KLHL30: variants seen among roughly 807,000 people sequenced by gnomAD.
The protein encoded by KLHL30 is kelch like family member 30.
In KLHL30, 55 loss-of-function variants were observed where a neutral mutation model predicts 55.0. The ratio of observed to expected loss-of-function variants is 1.00; its 90% CI spans 0.80 to 1.25. KLHL30 has a LOEUF of 1.25. Among genes scored for constraint, KLHL30 ranks in the 50% most tolerant of loss-of-function variants. KLHL30 has a pLI of 0.00. For synonymous variants in KLHL30, 356 were observed against 372.6 expected (o/e 0.96, Z 0.51); for missense variants, 786 against 811.6 (o/e 0.97, Z 0.38).
intron 5 of KLHL30, among the ~76,000 whole-genome samples, chr2:238,146,804 G>A (rs7599465): frequency 0.65 from 98,758 of 151,290 alleles, 32,943 homozygotes; most frequent in South Asian, 0.78. Flanking sequence ...GGCGGATCAC[G>A]AGGCCAGGAG....
Position 238,144,791 on chromosome 2 carries a change from G to A in KLHL30, c.908-111G>A, listed in dbSNP as rs146661595. ...TGCCCCTCCCTTTCCCCACCAGTGA[G>A]GGGGGCATTTCTGCACCCGGTGCAT... On this transcript the variant is annotated intron_variant, in intron 3 of 7. Transcript: ENST00000409223. 884 of 799,412 alleles carry A rather than the reference G, an allele frequency of 1.1e-3. 4 individuals are homozygous for A. In the African/African-American group the frequency reaches 0.013, roughly 12 times the overall value. The allele number at this position is 799,412 out of a possible 1,614,324, so 49.5% of individuals were successfully genotyped here.
chr2:238,145,474 C>T (rs902793155), intron 4 of KLHL30, among the ~76,000 whole-genome samples: 2 of 152,188 alleles, frequency 1.3e-5, no homozygotes, highest in Non-Finnish European at 2.9e-5. Context: ...TTGAAACCAC[C>T]GATTTTGTCG....
At chr2:238,149,394 G>A (rs1408732904) in intron 7 of KLHL30, among the ~76,000 whole-genome samples, 1 of 151,886 alleles carries the variant, frequency 6.6e-6, no homozygotes, top group Non-Finnish European at 1.5e-5. Flanking sequence ...CCACAATGAA[G>A]GGGGTGGTGC....
At chr2:238,145,993 G>A (rs1692641833) in intron 5 of KLHL30, among the ~76,000 whole-genome samples, 161 bp downstream of exon 5, 1 of 152,142 alleles carries the variant, frequency 6.6e-6, no homozygotes, top group African/African-American at 2.4e-5. Context: ...CAAGCCACAG[G>A]CCAGGGCTCC....
At chr2:238,145,513 G>A in intron 4 of KLHL30, 164 bp from the exon 5 acceptor site, 1 of 239,070 alleles carries the variant, frequency 4.2e-6, no homozygotes, top group Non-Finnish European at 6.8e-6. Context: ...GAGGGACCTG[G>A]GCAGTCACAC....
At chr2:238,149,241 C>G (rs1052100658) in intron 7 of KLHL30, 89 bp downstream of exon 7, 1 of 1,529,386 alleles carries the variant, frequency 6.5e-7, no homozygotes, top group African/African-American at 1.4e-5. Context: ...GGATGGGGTG[C>G]CACAGAGGGC....
Position 238,141,264 on chromosome 2 carries a change from G to C in KLHL30, c.510G>C (p.Glu170Asp). 1 of 1,604,570 alleles carries C rather than the reference G, an allele frequency of 6.2e-7. No homozygotes were observed. Among genetic ancestry groups the C allele is most frequent in the Non-Finnish European group, 8.5e-7 (1 of 1,178,992 alleles). ...ENFEAVARED[E>D]FLQLPRERLV... is the part of the protein sequence containing the mutation. ...TTGAGGCTGTGGCACGTGAGGACGA[G>C]TTCCTGCAGCTTCCCCGAGAGCGGC... The change falls in exon 2 of 8, where the codon GAG (glutamate) becomes GAC (aspartate). Residue 170 changes from glutamate (E) to aspartate (D), a missense_variant. Transcript: ENST00000409223.
chr2:238,149,042 A>G lies in KLHL30; in HGVS notation c.1375A>G (p.Lys459Glu). The G allele has an allele frequency of 1.2e-6, 2 of 1,612,528 alleles. No individual in the cohort carries two copies. The highest frequency in any genetic ancestry group is 1.7e-6 in the Non-Finnish European group (2 of 1,179,534). Residue 459 changes from lysine (K) to glutamate (E), a missense_variant, in exon 7 of 8, where the codon AAG (lysine) becomes GAG (glutamate). Lys to Glu is a moderately conservative substitution (Grantham distance 56, BLOSUM62 1). Transcript: ENST00000409223. ...WSVIASPFLP[K>E]YLSSPRCAAL... ...TGTGATCGCCTCGCCCTTCCTGCCC[A>G]AGTACCTGTCCTCGCCTCGCTGTGC...
intron 2 of KLHL30, among the ~76,000 whole-genome samples, chr2:238,142,030 C>T (rs971295043): frequency 2.6e-5 from 4 of 152,190 alleles, no homozygotes; most frequent in African/African-American, 4.8e-5. Flanking sequence ...CCTGGCAGTC[C>T]GCCTGAGCTT....
intron 3 of KLHL30, among the ~76,000 whole-genome samples, chr2:238,144,416 A>AGGCAGGCAGGCAGGCAGGC (rs1692602793): frequency 5.6e-5 from 6 of 107,282 alleles, no homozygotes; most frequent in Admixed American, 2.6e-4. Context: ...GGAAGGAAGG[A>AGGCAGGCAGGCAGGCAGGC]AGGAAGGAAG....
Position 238,147,903 on chromosome 2 carries a change from C to G in KLHL30, c.1220C>G (p.Pro407Arg), listed in dbSNP as rs1417929168. 6.2e-7 allele frequency: 1 copy of G among 1,603,118 alleles called. No homozygotes were observed. The highest frequency in any genetic ancestry group is 1.3e-5 in the African/African-American group (1 of 74,692). ...PYTDSWTPVS[P>R]ALKYVSNFSA... The stretch of plus-strand genomic sequence containing the variant: ...ACGGACAGCTGGACGCCCGTCAGCC[C>G]GGCCCTCAAATACGTCAGCAACTTC... Residue 407 changes from proline (P) to arginine (R), a missense_variant, in exon 6 of 8, where the codon CCG (proline) becomes CGG (arginine). Physicochemically the swap from Pro to Arg is moderately radical, Grantham distance 103. Transcript: ENST00000409223. This position sits in a 1 kb window ranked among gnomAD's most constrained non-coding sequence, Gnocchi z 5.8.
Position 238,147,155 on chromosome 2 carries a change from A to C in KLHL30, c.1151-679A>C, listed in dbSNP as rs1292514353. Among the ~76,000 whole-genome samples, 1 of 151,628 alleles carries C rather than the reference A, an allele frequency of 6.6e-6. No individual in the cohort carries two copies. The highest frequency in any genetic ancestry group is 1.5e-5 in the Non-Finnish European group (1 of 67,882). ...GAGCAAGACCCTGTCTCAAAAAAAA[A>C]AAAAAGAAAGAAAAGAAAAACAAAA... On this transcript the variant is annotated intron_variant, in intron 5 of 7. Transcript: ENST00000409223. This position sits in a 1 kb window ranked among gnomAD's most constrained non-coding sequence, Gnocchi z 5.8.
intron 3 of KLHL30, 32 bp from the exon 4 acceptor site, chr2:238,144,870 G>A: frequency 6.5e-7 from 1 of 1,548,188 alleles, no homozygotes; most frequent in African/African-American, 1.4e-5. Flanking sequence ...GAGCCTGGCA[G>A]CCTGACCCTT....
Position 238,145,823 on chromosome 2 carries a change from G to C in KLHL30, c.1141G>C (p.Val381Leu), listed in dbSNP as rs564422537. The C allele has an allele frequency of 2.5e-6, 4 of 1,599,156 alleles. No homozygotes were observed. In the Middle Eastern group the frequency reaches 6.7e-4, roughly 270 times the overall value. The change falls in exon 5 of 8, where the codon GTT becomes CTT. Residue 381 changes from valine to leucine, a missense_variant. Physicochemically the swap from Val to Leu is conservative, Grantham distance 32. Transcript: ENST00000409223. ...CGCGGCCCTCAATGGGGAGATCTACGTTATCGGCGGTGAGGCCTTCCTCTC... is the reference window on the plus strand; with the variant it reads ...CGCGGCCCTCAATGGGGAGATCTACCTTATCGGCGGTGAGGCCTTCCTCTC... ...ASAALNGEIY[V>L]IGGTTLDVVE...
rs1188794689 is a variant in KLHL30 at position 238,141,388 on chromosome 2, GC to G, written c.636del (p.Ala213ProfsTer9). 6.3e-7 allele frequency: 1 copy of G among 1,593,290 alleles called. No individual in the cohort carries two copies. Among genetic ancestry groups the G allele is most frequent in the African/African-American group, 1.3e-5 (1 of 74,740 alleles). On this transcript the variant is annotated frameshift_variant, in exon 2 of 8. Coordinates refer to ENST00000409223, the MANE Select transcript of KLHL30 (RefSeq NM_198582.4). LOFTEE classifies it high-confidence loss of function. ...RWVRHDPQARAAHLPELLSLV... is the reference protein window; with the variant it reads ...RWVRHDPQARXAHLPELLSLV... Reference sequence around the variant, plus strand: ...GGTGCGCCATGACCCGCAGGCCCGGGCCGCCCACCTGCCCGAGCTGCTCAGC... The same window carrying G: ...GGTGCGCCATGACCCGCAGGCCCGGGCGCCCACCTGCCCGAGCTGCTCAGC...
intron 3 of KLHL30, 118 bp downstream of exon 3, chr2:238,143,049 G>A: frequency 7.9e-7 from 1 of 1,260,116 alleles, no homozygotes; most frequent in Non-Finnish European, 1.0e-6. Context: ...GCTGTGTGAG[G>A]CCCCTGTGAG....
chr2:238,150,772 C>T (rs773783325), intron 7 of KLHL30, 42 bp from the exon 8 acceptor site: 1 of 1,537,204 alleles, frequency 6.5e-7, no homozygotes, highest in Admixed American at 2.0e-5. Context: ...CCCTGCTCTC[C>T]AGCTCCCGCC....
At chr2:238,145,320 C>T (rs1415342690) in intron 4 of KLHL30, among the ~76,000 whole-genome samples, 1 of 152,174 alleles carries the variant, frequency 6.6e-6, no homozygotes, top group African/African-American at 2.4e-5. Context: ...CAGCAGGAAG[C>T]CCCAGGCCTG....
chr2:238,142,957 C>A, intron 3 of KLHL30, 26 bp downstream of exon 3: 1 of 1,501,052 alleles, frequency 6.7e-7, no homozygotes, highest in South Asian at 1.4e-5. Context: ...GCGTCCAGAC[C>A]CACCTGCTGT....
Sources: gnomAD v4.1 joint callset for allele counts (sites outside exome capture counted in the v4.1 genomes callset) on GRCh38, gnomAD v4.1.1 for gene constraint, Gnocchi (gnomAD v3.1) non-coding constraint, MANE v1.5 for transcripts, NCBI Gene and HGNC (gene_info 2026-07-23, HGNC 2026-07-21) for gene names.